Variants in TNFRSF19 observed in about 807,000 individuals in gnomAD.
The protein encoded by TNFRSF19 is tumor necrosis factor receptor superfamily member 19.
Under a neutral mutation model 46.4 loss-of-function variants are expected in TNFRSF19, and 27 were observed. That is an observed-to-expected ratio of 0.58 (90% CI 0.43 to 0.80). TNFRSF19 has a LOEUF of 0.80. TNFRSF19 is among the 30% of genes least tolerant of loss of function. TNFRSF19 has a pLI of 0.00. For synonymous variants in TNFRSF19, 204 were observed against 205.0 expected (o/e 1.00, Z 0.04); for missense variants, 511 against 530.8 (o/e 0.96, Z 0.37).
intron 3 of TNFRSF19, among the ~76,000 whole-genome samples, chr13:23,613,400 CAT>C (rs1026027357): frequency 6.6e-6 from 1 of 152,222 alleles, no homozygotes; most frequent in African/African-American, 2.4e-5. Context: ...CATTCAAACT[CAT>C]GTCTCTTTAG....
intron 7 of TNFRSF19, among the ~76,000 whole-genome samples, chr13:23,662,007 T>C (rs1173336769): frequency 6.6e-6 from 1 of 152,340 alleles, no homozygotes; most frequent in South Asian, 2.1e-4. Flanking sequence ...CTGATGATAG[T>C]TTCTTTTGCT....
intron 1 of TNFRSF19, among the ~76,000 whole-genome samples, chr13:23,589,277 C>A (rs937021359): frequency 3.5e-4 from 54 of 152,268 alleles, no homozygotes; most frequent in African/African-American, 1.3e-3. Flanking sequence ...CATTTTAGAT[C>A]ATTCCTGGTA....
intron 5 of TNFRSF19, among the ~76,000 whole-genome samples, chr13:23,656,254 G>GAC: frequency 1.3e-5 from 2 of 152,218 alleles, no homozygotes; most frequent in South Asian, 4.1e-4. Flanking sequence ...ATATATCATT[G>GAC]ACATTACAGT....
Position 23,573,083 on chromosome 13 carries a change from G to A in TNFRSF19, c.-35+2235G>A, listed in dbSNP as rs1877731727. Among the ~76,000 whole-genome samples the A allele has an allele frequency of 2.0e-5, 3 of 152,204 alleles. No individual in the cohort carries two copies. The South Asian group carries it at 6.2e-4, about 32-fold the overall frequency. On this transcript the variant is annotated intron_variant, in intron 1 of 9. Transcript: ENST00000248484. The stretch of plus-strand genomic sequence containing the variant: ...GCCATTTTACAGATGAGGAAACTGA[G>A]GCTATAGAAAACGAATGTCCCTATC...
intron 3 of TNFRSF19, among the ~76,000 whole-genome samples, chr13:23,607,667 T>G (rs1477623034): frequency 6.6e-6 from 1 of 152,188 alleles, no homozygotes; most frequent in Non-Finnish European, 1.5e-5. Context: ...AAGTACATTT[T>G]TTAGTAGGCC....
chr13:23,601,977 C>G (rs576933214), intron 3 of TNFRSF19, among the ~76,000 whole-genome samples: 91 of 152,030 alleles, frequency 6.0e-4, no homozygotes, highest in African/African-American at 1.9e-3. Context: ...AATAAGAAGG[C>G]CAAGAAATGG....
chr13:23,580,978 T>G (rs1007374705), intron 1 of TNFRSF19, among the ~76,000 whole-genome samples: 2 of 152,216 alleles, frequency 1.3e-5, no homozygotes, highest in African/African-American at 4.8e-5. Context: ...TGTTAGTATT[T>G]TCAGAGCAAT....
At chr13:23,632,852 C>T (rs943096301) in intron 5 of TNFRSF19, among the ~76,000 whole-genome samples, 45 of 152,234 alleles carry the variant, frequency 3.0e-4, no homozygotes, top group African/African-American at 1.0e-3. Context: ...AGAAGCTAAT[C>T]GAGGCAGAGA....
chr13:23,642,348 A>T (rs116389951), intron 5 of TNFRSF19, among the ~76,000 whole-genome samples: 2 of 152,326 alleles, frequency 1.3e-5, no homozygotes, highest in African/African-American at 4.8e-5. Context: ...ATTCTGAACA[A>T]TAATTGGAGA....
intron 5 of TNFRSF19, among the ~76,000 whole-genome samples, chr13:23,635,162 A>G (rs1395826992): frequency 6.6e-6 from 1 of 152,138 alleles, no homozygotes; most frequent in Non-Finnish European, 1.5e-5. Context: ...TCTCCAGGTG[A>G]ACTCCGAGGG....
chr13:23,615,426 A>T (rs1881204286), intron 3 of TNFRSF19, among the ~76,000 whole-genome samples: 1 of 152,214 alleles, frequency 6.6e-6, no homozygotes, highest in East Asian at 1.9e-4. Flanking sequence ...CGCTAATGAA[A>T]TTTCTTATGC....
rs574965955 is a variant in TNFRSF19 at position 23,651,719 on chromosome 13, T to G, written c.446-7331T>G. On this transcript the variant is annotated intron_variant, in intron 5 of 9. Transcript: ENST00000248484. ...AATCTAGGGTTTAGATAAAACAGGT[T>G]GGATTTGTAAAGTCATGCTTGTGTT... 1.1e-3 allele frequency among the ~76,000 whole-genome samples: 172 copies of G among 152,204 alleles called. 5 individuals are homozygous for G. The highest frequency in any genetic ancestry group is 0.011 in the Admixed American group (168 of 15,280).
At position 23,668,019 on chromosome 13, in the gene TNFRSF19, C is replaced by A. The variant is rs747536955; in HGVS notation, c.776C>A (p.Ala259Asp). The A allele has an allele frequency of 3.1e-6, 5 of 1,610,342 alleles. No individual in the cohort carries two copies. The Admixed American group carries it at 8.4e-5, about 27-fold the overall frequency. ...CTCCCATCCATGTGCTGTGAGGAGG[C>A]CTGCAGCCCCAACCCGGCGACTCTT... ...RLLPSMCCEEACSPNPATLGC... is the reference protein window; with the variant it reads ...RLLPSMCCEEDCSPNPATLGC... Residue 259 changes from alanine (A) to aspartate (D), a missense_variant, in exon 8 of 10, where the codon GCC becomes GAC. Physicochemically the swap from Ala to Asp is moderately radical, Grantham distance 126 (BLOSUM62 -2). Transcript: ENST00000248484.
chr13:23,626,802 C>T lies in TNFRSF19; in HGVS notation c.445+10C>T, dbSNP rs768556508. 8 of 1,613,638 alleles carry T rather than the reference C, an allele frequency of 5.0e-6. No individual in the cohort carries two copies. Among genetic ancestry groups the T allele is most frequent in the East Asian group, 2.2e-5 (1 of 44,886 alleles). ...CCTTACGAACCGCACTGTGAGTGAA[C>T]GCAACACAGGCAGAGCCAAGGGGAC... On this transcript the variant is annotated intron_variant, in intron 5 of 9. Transcript: ENST00000248484.
chr13:23,630,792 T>A (rs1182586719), intron 5 of TNFRSF19, among the ~76,000 whole-genome samples: 2 of 152,242 alleles, frequency 1.3e-5, no homozygotes, highest in African/African-American at 4.8e-5. Flanking sequence ...CTTTTAGCAA[T>A]GTTTACTTAA....
intron 1 of TNFRSF19, among the ~76,000 whole-genome samples, chr13:23,588,228 A>G (rs1878983807): frequency 6.6e-6 from 1 of 152,200 alleles, no homozygotes; most frequent in Non-Finnish European, 1.5e-5. Flanking sequence ...CTCAGGGTTA[A>G]GTAACTTATT....
rs557585416 is a variant in TNFRSF19, at chr13:23,653,195, G to A, written c.446-5855G>A. Among the ~76,000 whole-genome samples the A allele has an allele frequency of 5.3e-5, 8 of 152,178 alleles. No homozygotes were observed. The East Asian group carries it at 1.5e-3, about 29-fold the overall frequency. The stretch of plus-strand genomic sequence containing the variant: ...ACAGTGAGGGGCAAGTCTAGGTCAA[G>A]CAATGGCTCCCTAAGTGAAGCTGAC... On this transcript the variant is annotated intron_variant, in intron 5 of 9. Transcript: ENST00000248484.
chr13:23,615,700 C>T lies in TNFRSF19; in HGVS notation c.181-167C>T, dbSNP rs1031462976. Among the ~76,000 whole-genome samples the T allele has an allele frequency of 2.0e-5, 3 of 152,336 alleles. No homozygotes were observed. In the East Asian group the frequency reaches 5.8e-4, roughly 29 times the overall value. ...GTGGACTTACCATAGTAAGAGAGAT[C>T]ATTAGCAGTGGAAGACACATTTGAA... On this transcript the variant is annotated intron_variant, in intron 3 of 9. Transcript: ENST00000248484.
intron 1 of TNFRSF19, among the ~76,000 whole-genome samples, chr13:23,576,527 A>T (rs1877969820): frequency 6.6e-6 from 1 of 152,166 alleles, no homozygotes; most frequent in Non-Finnish European, 1.5e-5. Flanking sequence ...CAAATGAGGG[A>T]AAGTGGGAAC....
Sources: allele counts gnomAD v4.1 joint callset (sites outside exome capture counted in the v4.1 genomes callset), GRCh38; gene constraint gnomAD v4.1.1; transcripts MANE v1.5; gene names NCBI Gene and HGNC (gene_info 2026-07-23, HGNC 2026-07-21).